Variants in NLK observed in about 807,000 individuals in gnomAD.
The protein encoded by NLK is nemo like kinase.
In NLK, 11 loss-of-function variants were observed where a neutral mutation model predicts 59.0. That is an observed-to-expected ratio of 0.19 (90% CI 0.12 to 0.31). The LOEUF (loss-of-function observed/expected upper bound fraction) is 0.31. NLK is among the 10% of genes least tolerant of loss of function. The pLI, the probability that NLK is intolerant of heterozygous loss-of-function variation, is 1.00. For synonymous variants in NLK, 235 were observed against 235.9 expected (o/e 1.00, Z 0.03); for missense variants, 410 against 661.1 (o/e 0.62, Z 4.16).
chr17:28,154,004 C>T (rs1336657129), intron 3 of NLK, among the ~76,000 whole-genome samples: 3 of 151,868 alleles, frequency 2.0e-5, no homozygotes, highest in Admixed American at 2.0e-4. Flanking sequence ...ATATGTGTGG[C>T]CAATAAACAT....
chr17:28,191,797 G>A (rs1018452558), intron 9 of NLK, among the ~76,000 whole-genome samples: 10 of 152,300 alleles, frequency 6.6e-5, no homozygotes, highest in African/African-American at 2.4e-4. Context: ...CTTCAAAAAG[G>A]CAATAATTGC....
chr17:28,060,301 A>G (rs1404665949), intron 1 of NLK, among the ~76,000 whole-genome samples: 1 of 152,218 alleles, frequency 6.6e-6, no homozygotes, highest in Non-Finnish European at 1.5e-5. Context: ...TTTGTCTATG[A>G]AGACATCTAA....
chr17:28,160,551 A>G (rs1490503095), intron 3 of NLK, among the ~76,000 whole-genome samples: 1 of 152,194 alleles, frequency 6.6e-6, no homozygotes, highest in Non-Finnish European at 1.5e-5. Flanking sequence ...AACATACAAC[A>G]GAGTACAACG....
intron 3 of NLK, among the ~76,000 whole-genome samples, chr17:28,156,596 T>A (rs1907747246): frequency 6.6e-6 from 1 of 152,176 alleles, no homozygotes; most frequent in Non-Finnish European, 1.5e-5. Context: ...GTCATTGATT[T>A]GTTAGATAAA....
At chr17:28,205,472 G>C in the NLK span, among the ~76,000 whole-genome samples, 1 of 152,162 alleles carries the variant, frequency 6.6e-6, no homozygotes, top group African/African-American at 2.4e-5. Flanking sequence ...AACAAGAAAA[G>C]AGAGCCAAAG....
chr17:28,051,417 T>G (rs1238519621), intron 1 of NLK, among the ~76,000 whole-genome samples: 2 of 151,700 alleles, frequency 1.3e-5, no homozygotes, highest in African/African-American at 4.8e-5. Context: ...TGGAGTGCAG[T>G]GGCATGATCT....
At chr17:28,060,285 A>G (rs1909586423) in intron 1 of NLK, among the ~76,000 whole-genome samples, 1 of 152,204 alleles carries the variant, frequency 6.6e-6, no homozygotes, top group Admixed American at 6.5e-5. Flanking sequence ...AGAAAAGAAC[A>G]TCAGATTTGT....
chr17:28,171,979 A>G (rs1908479883), intron 6 of NLK, among the ~76,000 whole-genome samples: 1 of 151,782 alleles, frequency 6.6e-6, no homozygotes, highest in Non-Finnish European at 1.5e-5. Flanking sequence ...ACTAAATAAT[A>G]GAATAAATAG....
chr17:28,129,749 A>G (rs1906443309), intron 2 of NLK, among the ~76,000 whole-genome samples: 1 of 152,144 alleles, frequency 6.6e-6, no homozygotes, highest in African/African-American at 2.4e-5. Flanking sequence ...GTAGAAACTC[A>G]GTAAATGTTG....
intron 1 of NLK, among the ~76,000 whole-genome samples, chr17:28,086,323 C>T (rs1428209106): frequency 2.0e-5 from 3 of 151,938 alleles, no homozygotes; most frequent in African/African-American, 7.3e-5. Context: ...CTTTTATGTT[C>T]CATGGGCTAG....
At chr17:28,091,473 ATT>A (rs1904490824) in intron 1 of NLK, among the ~76,000 whole-genome samples, 1 of 150,172 alleles carries the variant, frequency 6.7e-6, no homozygotes, top group African/African-American at 2.4e-5. Context: ...ATATAATTAT[ATT>A]TATATATATA....
rs143328055 is a variant in NLK, at chr17:28,141,306, C to G, written c.644+8631C>G. On this transcript the variant is annotated intron_variant, in intron 3 of 10. Transcript: ENST00000407008. ...GTTCTCTGTTTATTTTGAATCTTCT[C>G]TGTTCTTCAGAACTGTTTCTTTTAG... 2.3e-3 allele frequency among the ~76,000 whole-genome samples: 354 copies of G among 152,272 alleles called. 3 individuals are homozygous for G. Among genetic ancestry groups the G allele is most frequent in the African/African-American group, 8.0e-3 (333 of 41,568 alleles).
chr17:28,132,733 C>A, intron 3 of NLK, 58 bp downstream of exon 3: 1 of 1,414,970 alleles, frequency 7.1e-7, no homozygotes, highest in Non-Finnish European at 9.8e-7. Context: ...ATTTGTTCTT[C>A]TAGCACCTTT....
intron 3 of NLK, among the ~76,000 whole-genome samples, chr17:28,153,981 C>T (rs1054549831): frequency 1.3e-5 from 2 of 152,006 alleles, no homozygotes; most frequent in African/African-American, 4.8e-5. Context: ...TTTTCTGTCT[C>T]TCATGGTCAC....
At chr17:28,191,426 G>A (rs569436987) in intron 9 of NLK, among the ~76,000 whole-genome samples, 1 of 152,086 alleles carries the variant, frequency 6.6e-6, no homozygotes, top group Non-Finnish European at 1.5e-5. Flanking sequence ...TGAATATTTT[G>A]TTCTTATTTT....
At chr17:28,063,168 G>A (rs1260149418) in intron 1 of NLK, among the ~76,000 whole-genome samples, 1 of 152,174 alleles carries the variant, frequency 6.6e-6, no homozygotes, top group Non-Finnish European at 1.5e-5. Flanking sequence ...TTGGGATCAA[G>A]CTCTCCGCCC....
chr17:28,139,546 A>T (rs1210082930), intron 3 of NLK, among the ~76,000 whole-genome samples: 2 of 152,222 alleles, frequency 1.3e-5, no homozygotes, highest in Non-Finnish European at 2.9e-5. Context: ...TTGCTTATTC[A>T]TTCAGCCAAA....
chr17:28,046,162 T>A (rs570059101), intron 1 of NLK, among the ~76,000 whole-genome samples: 1 of 152,312 alleles, frequency 6.6e-6, no homozygotes, highest in Middle Eastern at 3.4e-3. Context: ...GGAGAGATAT[T>A]TGTAGAAGTG....
At chr17:28,202,093 A>G in the NLK span, among the ~76,000 whole-genome samples, 1 of 152,178 alleles carries the variant, frequency 6.6e-6, no homozygotes, top group Admixed American at 6.5e-5. Context: ...TTCACTTACA[A>G]TTTGAAAAAT....
Sources: gnomAD v4.1 joint callset for allele counts (sites outside exome capture counted in the v4.1 genomes callset) on GRCh38, gnomAD v4.1.1 for gene constraint, MANE v1.5 for transcripts, NCBI Gene and HGNC (gene_info 2026-07-23, HGNC 2026-07-21) for gene names.